The following PLXNA4 variants were observed in gnomAD, a reference collection of about 807,000 sequenced individuals.
The protein encoded by PLXNA4 is plexin A4, also known as plexin-A4.
In PLXNA4, 44 loss-of-function variants were observed where a neutral mutation model predicts 191.8. The observed-to-expected ratio is 0.23, with a 90% CI of 0.18 to 0.29. The LOEUF (loss-of-function observed/expected upper bound fraction) is 0.29, where lower values mean the gene tolerates loss of function less well. Among genes scored for constraint, PLXNA4 ranks in the 10% least tolerant of loss-of-function variants. The pLI, the probability that PLXNA4 is intolerant of heterozygous loss-of-function variation, is 1.00. For missense variants in PLXNA4, 1,800 were observed against 2,488.8 expected (o/e 0.72, Z 5.89); for synonymous variants, 1,082 against 1,009.5 (o/e 1.07, Z -1.36).
chr7:132,490,867 T>C (rs1200702045), intron 2 of PLXNA4, among the ~76,000 whole-genome samples: 1 of 152,158 alleles, frequency 6.6e-6, no homozygotes, highest in South Asian at 2.1e-4. Context: ...TTGGGGCCAG[T>C]TCCCCCACTG....
Position 132,461,349 on chromosome 7 carries a change from G to T in PLXNA4, c.1371+27943C>A, listed in dbSNP as rs577044267. Reference sequence around the variant, plus strand: ...GAAGCAGGAAGTATAATGCAAAAAAGAAAGTGACAGACGCACTTGAAAAGC... The same window carrying T: ...GAAGCAGGAAGTATAATGCAAAAAATAAAGTGACAGACGCACTTGAAAAGC... On this transcript the variant is annotated intron_variant, in intron 3 of 31. Transcript: ENST00000321063. 5.7e-3 allele frequency among the ~76,000 whole-genome samples: 873 copies of T among 152,236 alleles called. 6 individuals carry two copies. Among genetic ancestry groups the T allele is most frequent in the South Asian group, 0.024 (118 of 4,818 alleles).
intron 3 of PLXNA4, among the ~76,000 whole-genome samples, chr7:132,430,465 A>G (rs1202329676): frequency 2.0e-5 from 3 of 152,170 alleles, no homozygotes; most frequent in Non-Finnish European, 1.5e-5. Context: ...GGTCCAGCTG[A>G]GGAAGCCAAG....
chr7:132,206,437 GGTGT>G (rs61032250), intron 10 of PLXNA4, among the ~76,000 whole-genome samples: 6,848 of 148,338 alleles, frequency 0.046, 184 homozygotes, highest in African/African-American at 0.061. Context: ...TATGTTTTCT[GGTGT>G]GTGTGTGTGT....
upstream of PLXNA4, among the ~76,000 whole-genome samples, chr7:132,577,698 A>AG (rs1802314711): frequency 6.6e-6 from 1 of 152,246 alleles, no homozygotes; most frequent in African/African-American, 2.4e-5. Context: ...GGGTGACCGG[A>AG]GCGCACGGCG....
chr7:132,264,061 G>T (rs974249829), intron 4 of PLXNA4: 1 of 152,056 alleles, frequency 6.6e-6, no homozygotes, highest in Non-Finnish European at 1.5e-5. Context: ...TCATCTGCTC[G>T]TCATTATTTC....
chr7:132,508,442 A>G lies in PLXNA4; in HGVS notation c.252T>C (p.His84=). Residue 84 remains histidine (H), a synonymous_variant, in exon 2 of 32, where the codon CAT becomes CAC. Coordinates refer to ENST00000321063, the MANE Select transcript of PLXNA4 (RefSeq NM_020911.2). The surrounding 1 kb of genome is among the most constrained non-coding windows in gnomAD (Gnocchi z 4.4). ...GGTTGTCCTCGTCCGGCCCTGTCTC[A>G]TGCGTCACCAAGACCTTCAGGTCGC... ...LSSDLKVLVT[H]ETGPDEDNPK... The G allele has an allele frequency of 6.2e-7, 1 of 1,614,148 alleles. No individual in the cohort carries two copies.
chr7:132,355,086 GT>G (rs1803644710), intron 3 of PLXNA4, among the ~76,000 whole-genome samples: 1 of 152,194 alleles, frequency 6.6e-6, no homozygotes, highest in Non-Finnish European at 1.5e-5. Flanking sequence ...CCTGCCTCTA[GT>G]GGTCAGGGCC....
At chr7:132,448,501 A>G (rs1309313783) in intron 3 of PLXNA4, among the ~76,000 whole-genome samples, 1 of 152,190 alleles carries the variant, frequency 6.6e-6, no homozygotes, top group Non-Finnish European at 1.5e-5. Context: ...CAACATAGAA[A>G]GAGGGAGAGG....
At chr7:132,184,273 C>A (rs1423607321) in intron 16 of PLXNA4, among the ~76,000 whole-genome samples, 1 of 152,192 alleles carries the variant, frequency 6.6e-6, no homozygotes, top group East Asian at 1.9e-4. Context: ...CTCACTTCAG[C>A]CTCTCAGCTG....
At chr7:132,449,897 C>T (rs567286061) in intron 3 of PLXNA4, among the ~76,000 whole-genome samples, 1 of 152,342 alleles carries the variant, frequency 6.6e-6, no homozygotes, top group East Asian at 1.9e-4. Flanking sequence ...GGAAAATGCT[C>T]ATGCATCCAT....
At chr7:132,292,908 C>G (rs970136299) in intron 4 of PLXNA4, among the ~76,000 whole-genome samples, 1 of 152,122 alleles carries the variant, frequency 6.6e-6, no homozygotes. Flanking sequence ...TGAGGAGGGA[C>G]CAGCCACAGG....
intron 3 of PLXNA4, among the ~76,000 whole-genome samples, chr7:132,420,393 T>C (rs1485288759): frequency 6.6e-6 from 1 of 152,190 alleles, no homozygotes; most frequent in Non-Finnish European, 1.5e-5. Context: ...AATACTTTTC[T>C]TGGCTCATGC....
At chr7:132,616,225 C>T (rs528084978) in intron 2 of PLXNA4, among the ~76,000 whole-genome samples, 3 of 152,278 alleles carry the variant, frequency 2.0e-5, no homozygotes, top group East Asian at 1.9e-4. Context: ...GTTGCCTCTT[C>T]GCAGTGCTTC....
At chr7:132,533,943 TTATTAC>T (rs201168567) in intron 1 of PLXNA4, among the ~76,000 whole-genome samples, 3,137 of 151,706 alleles carry the variant, frequency 0.021, 127 homozygotes, top group African/African-American at 0.071. Context: ...ATTATTATTA[TTATTAC>T]TATTATTATG....
At chr7:132,250,623 T>C (rs1028372120) in intron 4 of PLXNA4, among the ~76,000 whole-genome samples, 4 of 152,144 alleles carry the variant, frequency 2.6e-5, no homozygotes, top group African/African-American at 9.7e-5. Context: ...TGAGATTCTC[T>C]AGCTAGGCAG....
At chr7:132,235,778 GA>G (rs1798679174) in intron 5 of PLXNA4, among the ~76,000 whole-genome samples, 2 of 152,220 alleles carry the variant, frequency 1.3e-5, no homozygotes, top group Non-Finnish European at 2.9e-5. Context: ...GGAAGATGGA[GA>G]GGGGGCTGGG....
chr7:132,539,107 G>C (rs1187758171), intron 1 of PLXNA4, among the ~76,000 whole-genome samples: 1 of 152,116 alleles, frequency 6.6e-6, no homozygotes. Flanking sequence ...AAGGCCCCAG[G>C]ACCTATTGTG....
chr7:132,606,846 T>C (rs889306657), intron 2 of PLXNA4, among the ~76,000 whole-genome samples: 1 of 152,160 alleles, frequency 6.6e-6, no homozygotes, highest in Non-Finnish European at 1.5e-5. Flanking sequence ...ATATTTAGAA[T>C]TCTCTGCCTT....
intron 13 of PLXNA4, among the ~76,000 whole-genome samples, chr7:132,198,194 A>G (rs1797311833): frequency 6.6e-6 from 1 of 152,120 alleles, no homozygotes. Context: ...GCAGATTTTC[A>G]TTTTGTTTTG....
Sources: gnomAD v4.1 joint callset for allele counts (sites outside exome capture counted in the v4.1 genomes callset) on GRCh38, gnomAD v4.1.1 for gene constraint, Gnocchi (gnomAD v3.1) non-coding constraint, MANE v1.5 for transcripts, NCBI Gene and HGNC (gene_info 2026-07-23, HGNC 2026-07-21) for gene names.